The following TRDN variants were observed in gnomAD, a reference collection of about 807,000 sequenced individuals.
The protein encoded by TRDN is triadin in skeletal muscle.
A neutral mutation model predicts 149.7 loss-of-function variants in TRDN; 161 were observed. That is an observed-to-expected ratio of 1.08 (90% CI 0.95 to 1.23). The LOEUF is 1.23. TRDN is among the 50% of genes most tolerant of loss of function. TRDN has a pLI of 0.00. For synonymous variants in TRDN, 294 were observed against 250.5 expected (o/e 1.17, Z -1.64); for missense variants, 896 against 823.5 (o/e 1.09, Z -1.08).
chr6:123,349,439 G>A (rs1319171059), intron 21 of TRDN: 4 of 764,912 alleles, frequency 5.2e-6, no homozygotes, highest in African/African-American at 3.8e-5. Flanking sequence ...ACCAAAGCAC[G>A]AAGTATTGTC....
intron 10 of TRDN, among the ~76,000 whole-genome samples, chr6:123,447,896 T>A (rs9490755): frequency 0.16 from 23,691 of 151,516 alleles, 2,453 homozygotes; most frequent in African/African-American, 0.3. Context: ...GACCTGGGAG[T>A]CACCTCAAAT....
chr6:123,380,714 G>GTTTTTTTTTTTTTTTTT (rs34270959), intron 16 of TRDN, among the ~76,000 whole-genome samples: 3 of 118,710 alleles, frequency 2.5e-5, no homozygotes, highest in African/African-American at 3.1e-5. Context: ...AAGTTCAAGG[G>GTTTTTTTTTTTTTTTTT]TTTTTTTTTT....
At chr6:123,422,888 A>G (rs941180335) in intron 12 of TRDN, among the ~76,000 whole-genome samples, 1 of 152,156 alleles carries the variant, frequency 6.6e-6, no homozygotes, top group Non-Finnish European at 1.5e-5. Context: ...TACAGATAAT[A>G]ATAATAAGGT....
chr6:123,295,692 G>A (rs182836776), intron 24 of TRDN, among the ~76,000 whole-genome samples: 61 of 152,086 alleles, frequency 4.0e-4, no homozygotes, highest in African/African-American at 1.2e-3. Flanking sequence ...CAATTAACGT[G>A]GTAGCTCATG....
intron 33 of TRDN, among the ~76,000 whole-genome samples, chr6:123,261,216 ATC>A (rs574914818): frequency 1.2e-4 from 18 of 151,812 alleles, no homozygotes; most frequent in African/African-American, 3.1e-4. Context: ...CAAATTATAA[ATC>A]TGTTACATTT....
At chr6:123,262,781 G>A (rs1776817875) in intron 33 of TRDN, among the ~76,000 whole-genome samples, 1 of 151,952 alleles carries the variant, frequency 6.6e-6, no homozygotes, top group African/African-American at 2.4e-5. Flanking sequence ...GGTGGTCTGT[G>A]ATCAGTGATC....
chr6:123,388,693 G>T (rs1232103168), intron 13 of TRDN, 142 bp from the exon 14 acceptor site: 1 of 845,646 alleles, frequency 1.2e-6, no homozygotes, highest in African/African-American at 1.7e-5. Context: ...TATGATAGGA[G>T]TGTAAGCAGA....
At chr6:123,485,170 T>C (rs544654663) in intron 9 of TRDN, among the ~76,000 whole-genome samples, 1 of 152,264 alleles carries the variant, frequency 6.6e-6, no homozygotes, top group Admixed American at 6.5e-5. Flanking sequence ...CTAGGCTCGC[T>C]CTCATTTCTT....
intron 1 of TRDN, among the ~76,000 whole-genome samples, chr6:123,629,292 C>T (rs1473077639): frequency 2.0e-5 from 3 of 152,124 alleles, no homozygotes; most frequent in Non-Finnish European, 4.4e-5. Context: ...GAAACTGAAT[C>T]TCTCACATCC....
chr6:123,260,061 G>A (rs182613687), intron 34 of TRDN, among the ~76,000 whole-genome samples: 110 of 151,526 alleles, frequency 7.3e-4, no homozygotes, highest in Non-Finnish European at 2.4e-4. Flanking sequence ...ACCCTCCTGA[G>A]TAGCCTGGTT....
intron 13 of TRDN, among the ~76,000 whole-genome samples, chr6:123,393,348 T>C (rs1050890756): frequency 2.0e-5 from 3 of 152,096 alleles, no homozygotes; most frequent in African/African-American, 7.2e-5. Flanking sequence ...TGGATTATTT[T>C]TAAAAATATA....
intron 10 of TRDN, among the ~76,000 whole-genome samples, chr6:123,463,981 A>T (rs1776637512): frequency 6.6e-6 from 1 of 152,112 alleles, no homozygotes; most frequent in Non-Finnish European, 1.5e-5. Flanking sequence ...CACACAGAAG[A>T]TCTTTTCCAA....
At position 123,586,362 on chromosome 6, in the gene TRDN, T is replaced by G. The variant is rs187168288; in HGVS notation, c.23-15230A>C. Among the ~76,000 whole-genome samples the G allele has an allele frequency of 5.1e-3, 771 of 151,900 alleles. 4 individuals are homozygous for G. The highest frequency in any genetic ancestry group is 0.031 in the Middle Eastern group (9 of 294). ...TGGCGAGGAGGGGAGAGGTCAGATG[T>G]GTCTGTAGAAAAGGAAGAGTAGAAA... On this transcript the variant is annotated intron_variant, in intron 1 of 40. Transcript: ENST00000334268.
intron 37 of TRDN, among the ~76,000 whole-genome samples, chr6:123,253,953 A>G (rs1441810951): frequency 1.3e-5 from 2 of 152,106 alleles, no homozygotes; most frequent in Non-Finnish European, 2.9e-5. Context: ...GGCCTTAACC[A>G]TTATAGTGTT....
intron 20 of TRDN, among the ~76,000 whole-genome samples, chr6:123,363,519 T>C: frequency 6.6e-6 from 1 of 152,212 alleles, no homozygotes; most frequent in East Asian, 1.9e-4. Flanking sequence ...TAGAATTATA[T>C]TTAAATTGAG....
intron 31 of TRDN, among the ~76,000 whole-genome samples, 175 bp from the exon 32 acceptor site, chr6:123,267,926 G>A (rs1253907937): frequency 6.6e-6 from 1 of 152,034 alleles, no homozygotes; most frequent in Non-Finnish European, 1.5e-5. Flanking sequence ...ACAGGGTTAG[G>A]TTCTTTCTCA....
At chr6:123,632,300 C>T (rs910644243) in intron 1 of TRDN, among the ~76,000 whole-genome samples, 1 of 152,096 alleles carries the variant, frequency 6.6e-6, no homozygotes, top group East Asian at 1.9e-4. Context: ...TTCCTTCCCT[C>T]CTTTCTTGCT....
At chr6:123,607,591 A>G (rs571026981) in intron 1 of TRDN, among the ~76,000 whole-genome samples, 3 of 152,284 alleles carry the variant, frequency 2.0e-5, no homozygotes, top group African/African-American at 7.2e-5. Flanking sequence ...ATTTACAAAC[A>G]TGTCATTTGT....
chr6:123,380,343 T>C (rs1378385494), intron 16 of TRDN, among the ~76,000 whole-genome samples: 1 of 152,224 alleles, frequency 6.6e-6, no homozygotes, highest in East Asian at 1.9e-4. Context: ...ACTTTAATAC[T>C]ATTTTTCGAA....
Sources: allele counts gnomAD v4.1 joint callset (sites outside exome capture counted in the v4.1 genomes callset), GRCh38; gene constraint gnomAD v4.1.1; transcripts MANE v1.5; gene names NCBI Gene and HGNC (gene_info 2026-07-23, HGNC 2026-07-21).